Variants in MSR1 observed in about 807,000 individuals in gnomAD.
MSR1 encodes macrophage scavenger receptor 1, also known as macrophage scavenger receptor types I and II.
MSR1 carries 53 observed loss-of-function variants against 47.2 expected under a neutral mutation model. That is an observed-to-expected ratio of 1.12 (90% CI 0.90 to 1.41). The LOEUF (loss-of-function observed/expected upper bound fraction) is 1.41, where lower values mean the gene tolerates loss of function less well. Among genes scored for constraint, MSR1 ranks in the 40% most tolerant of loss-of-function variants. MSR1 has a pLI of 0.00. For synonymous variants in MSR1, 239 were observed against 185.6 expected, an observed-to-expected ratio of 1.29 and a Z score of -2.34; for missense variants, 786 against 546.9, an observed-to-expected ratio of 1.44 and a Z score of -4.36.
At chr8:16,128,064 A>G (rs189880027) in intron 8 of MSR1, among the ~76,000 whole-genome samples, 1 of 152,306 alleles carries the variant, frequency 6.6e-6, no homozygotes, top group East Asian at 1.9e-4. Flanking sequence ...AATTGTTCTC[A>G]TAACTATAAA....
At chr8:16,181,810 A>G (rs540521719) in intron 1 of MSR1, among the ~76,000 whole-genome samples, 136 of 152,308 alleles carry the variant, frequency 8.9e-4, no homozygotes, top group Non-Finnish European at 1.6e-3. Flanking sequence ...TAAAAAAAAA[A>G]AAGAAAAACG....
chr8:16,110,598 A>G (rs373969990), intron 9 of MSR1, among the ~76,000 whole-genome samples: 1 of 152,148 alleles, frequency 6.6e-6, no homozygotes, highest in African/African-American at 2.4e-5. Context: ...ATCCAAGCGT[A>G]TCTGTATGTC....
intron 9 of MSR1, among the ~76,000 whole-genome samples, chr8:16,115,448 C>T (rs892979562): frequency 1.3e-5 from 2 of 152,002 alleles, no homozygotes; most frequent in South Asian, 4.2e-4. Flanking sequence ...AATAGCTTTC[C>T]ATAAAAACCT....
intron 8 of MSR1, chr8:16,141,150 A>C: frequency 7.8e-7 from 1 of 1,289,070 alleles, no homozygotes; most frequent in South Asian, 1.3e-5. Flanking sequence ...AAATTTTCAC[A>C]TACCACCATT....
At position 16,163,851 on chromosome 8, in the gene MSR1, TG is replaced by T. The variant is rs545515760; in HGVS notation, c.817+213del. On this transcript the variant is annotated intron_variant, in intron 5 of 9. Coordinates refer to ENST00000262101, the MANE Select transcript of MSR1 (RefSeq NM_138715.3). ...AATCATTAGACCTTAAGATATATTTTGCTTTTCCCTTTCTATTTAAGTGATA... is the reference window on the plus strand; with the variant it reads ...AATCATTAGACCTTAAGATATATTTTCTTTTCCCTTTCTATTTAAGTGATA... Among the ~76,000 whole-genome samples the T allele has an allele frequency of 4.6e-5, 7 of 152,030 alleles. No homozygotes were observed. The South Asian group carries it at 1.5e-3, about 32-fold the overall frequency.
intron 6 of MSR1, among the ~76,000 whole-genome samples, chr8:16,151,515 A>G (rs1800858388): frequency 6.6e-6 from 1 of 152,132 alleles, no homozygotes; most frequent in Admixed American, 6.6e-5. Flanking sequence ...ACAGCTGTTG[A>G]ACTTTATTCC....
chr8:16,155,245 T>C (rs1800974066), intron 5 of MSR1, 101 bp from the exon 6 acceptor site: 1 of 814,424 alleles, frequency 1.2e-6, no homozygotes, highest in Non-Finnish European at 2.1e-6. Context: ...AAGTCTTCTA[T>C]TTGTTGTGCA....
At chr8:16,152,013 G>A (rs915665132) in intron 6 of MSR1, among the ~76,000 whole-genome samples, 10 of 152,218 alleles carry the variant, frequency 6.6e-5, no homozygotes, top group African/African-American at 1.7e-4. Flanking sequence ...GCTCATACAC[G>A]TAAAACACTT....
chr8:16,131,441 GTTTTTTTT>G, intron 8 of MSR1, among the ~76,000 whole-genome samples: 2 of 54,688 alleles, frequency 3.7e-5, no homozygotes, highest in East Asian at 1.1e-3. Flanking sequence ...TCTGTTGATA[GTTTTTTTT>G]TTTTTTTTTT....
intron 8 of MSR1, among the ~76,000 whole-genome samples, chr8:16,129,924 G>C (rs1179812523): frequency 2.6e-5 from 4 of 152,130 alleles, no homozygotes; most frequent in African/African-American, 9.7e-5. Context: ...AGGAAGCCTG[G>C]AGTTGTTTCT....
chr8:16,147,745 T>C (rs1328009688), intron 7 of MSR1, among the ~76,000 whole-genome samples: 1 of 152,186 alleles, frequency 6.6e-6, no homozygotes, highest in Non-Finnish European at 1.5e-5. Context: ...GCTGCTGACA[T>C]CTCTACCAGA....
chr8:16,182,135 C>T (rs1445500832), intron 1 of MSR1, among the ~76,000 whole-genome samples: 1 of 152,150 alleles, frequency 6.6e-6, no homozygotes, highest in South Asian at 2.1e-4. Context: ...TTATACTGTG[C>T]TGAATCCTGT....
intron 5 of MSR1, among the ~76,000 whole-genome samples, chr8:16,161,033 ATTTT>A (rs201538682): frequency 1.2e-3 from 163 of 130,844 alleles, no homozygotes; most frequent in African/African-American, 4.2e-3. Flanking sequence ...CTTAAATAGC[ATTTT>A]TTTTTTTTTT....
Position 16,110,105 on chromosome 8 carries a change from C to G in MSR1, c.1336G>C (p.Gly446Arg). The change falls in exon 10 of 10, where the codon GGA (glycine) becomes CGA (arginine). Residue 446 changes from glycine (G) to arginine (R), a missense_variant. Physicochemically the swap from Gly to Arg is moderately radical, Grantham distance 125. Transcript: ENST00000262101. ...ATGCATTATAAAGTGCAAGTGACTC[C>G]AGCATCTTCAGAATGTGAACAGGCT... Reference protein sequence around the residue: ...TRACSHSEDAGVTCTL With the variant: ...TRACSHSEDARVTCTL 6.2e-7 allele frequency: 1 copy of G among 1,613,590 alleles called. No homozygotes were observed. The highest frequency in any genetic ancestry group is 8.5e-7 in the Non-Finnish European group (1 of 1,179,684).
intron 8 of MSR1, among the ~76,000 whole-genome samples, chr8:16,131,437 G>C (rs1357356958): frequency 1.0e-5 from 1 of 96,620 alleles, no homozygotes; most frequent in Non-Finnish European, 1.9e-5. Context: ...TTACTCTGTT[G>C]ATAGTTTTTT....
intron 8 of MSR1, among the ~76,000 whole-genome samples, chr8:16,131,497 T>G (rs1254367875): frequency 6.9e-6 from 1 of 145,750 alleles, no homozygotes; most frequent in Non-Finnish European, 1.5e-5. Flanking sequence ...TAGGACCCAT[T>G]TGTCAATTTT....
intron 8 of MSR1, among the ~76,000 whole-genome samples, chr8:16,122,153 T>G (rs983515525): frequency 1.3e-5 from 2 of 152,104 alleles, no homozygotes; most frequent in African/African-American, 4.8e-5. Context: ...AGTGGATAAG[T>G]CCTTCTTCAC....
intron 8 of MSR1, chr8:16,140,986 C>T (rs1398207446): frequency 1.2e-6 from 2 of 1,613,924 alleles, no homozygotes; most frequent in Non-Finnish European, 1.7e-6. Flanking sequence ...GGATGTCCCG[C>T]CCAACCCACC....
At chr8:16,161,726 C>A (rs1327106577) in intron 5 of MSR1, among the ~76,000 whole-genome samples, 1 of 151,802 alleles carries the variant, frequency 6.6e-6, no homozygotes. Context: ...CATAATTTTA[C>A]TAACTATGAG....
Sources: allele counts gnomAD v4.1 joint callset (sites outside exome capture counted in the v4.1 genomes callset), GRCh38; gene constraint gnomAD v4.1.1; transcripts MANE v1.5; gene names NCBI Gene and HGNC (gene_info 2026-07-23, HGNC 2026-07-21).